TTBK2: variants seen among roughly 807,000 people sequenced by gnomAD.
The protein encoded by TTBK2 is tau-tubulin kinase 2.
TTBK2 carries 28 observed loss-of-function variants against 110.8 expected under a neutral mutation model. That is an observed-to-expected ratio of 0.25 (90% CI 0.19 to 0.35). TTBK2 has a LOEUF of 0.35. TTBK2 is among the 10% of genes least tolerant of loss of function. The pLI is 1.00. For synonymous variants in TTBK2, 532 were observed against 527.3 expected, an observed-to-expected ratio of 1.01 and a Z score of -0.12; for missense variants, 1,369 against 1,500.3, an observed-to-expected ratio of 0.91 and a Z score of 1.45.
At position 42,739,941 on chromosome 15, in the gene TTBK2, A is replaced by C. The variant is rs1427971988; in HGVS notation, c.*5854T>G. 6.6e-6 allele frequency: 1 copy of C among 152,188 alleles called. No homozygotes were observed. The highest frequency in any genetic ancestry group is 1.5e-5 in the Non-Finnish European group (1 of 68,026). 9.4% of individuals were successfully genotyped at this position (152,188 alleles called of 1,614,324 possible). On this transcript the variant is annotated 3_prime_UTR_variant, in exon 15 of 15. Coordinates refer to ENST00000267890, the MANE Select transcript of TTBK2 (RefSeq NM_173500.4). Reference sequence around the variant, plus strand: ...TCATATGGCAAGGGTAGTCTATATAAAAACTTGGTTTACTCAATGTTTTTA... The same window carrying C: ...TCATATGGCAAGGGTAGTCTATATACAAACTTGGTTTACTCAATGTTTTTA...
chr15:42,832,950 A>C (rs1463352050), intron 4 of TTBK2, among the ~76,000 whole-genome samples: 1 of 152,188 alleles, frequency 6.6e-6, no homozygotes, highest in Non-Finnish European at 1.5e-5. Flanking sequence ...AAATAATAGT[A>C]CAGTCATCTT....
intron 1 of TTBK2, among the ~76,000 whole-genome samples, chr15:42,906,439 T>G (rs1228017474): frequency 6.6e-6 from 1 of 152,220 alleles, no homozygotes; most frequent in Non-Finnish European, 1.5e-5. Flanking sequence ...ACAAATTAAA[T>G]TATACCATTT....
At chr15:42,784,423 G>A (rs1323819240) in intron 10 of TTBK2, among the ~76,000 whole-genome samples, 3 of 151,792 alleles carry the variant, frequency 2.0e-5, no homozygotes, top group Non-Finnish European at 4.4e-5. Flanking sequence ...GATTACAGGC[G>A]CCCACCACCA....
intron 9 of TTBK2, chr15:42,801,645 C>T (rs1325842617): frequency 2.3e-6 from 2 of 861,758 alleles, no homozygotes; most frequent in Non-Finnish European, 4.0e-6. Context: ...ATGATGCTGT[C>T]CATGTCCAGG....
chr15:42,777,076 A>G lies in TTBK2; in HGVS notation c.1364T>C (p.Leu455Pro). ...SIHSFELEKR[L>P]TLEPKPDTDK... The stretch of plus-strand genomic sequence containing the variant: ...AGTGTCTGGCTTTGGCTCCAGGGTC[A>G]GACGTTTTTCCAGCTCAAAGCTGTG... The change falls in exon 12 of 15, where the codon CTG (leucine) becomes CCG (proline). Residue 455 changes from leucine (L) to proline (P), a missense_variant. Coordinates refer to ENST00000267890, the MANE Select transcript of TTBK2 (RefSeq NM_173500.4). 2 of 1,614,202 alleles carry G rather than the reference A, an allele frequency of 1.2e-6. No individual in the cohort carries two copies. Among genetic ancestry groups the G allele is most frequent in the Non-Finnish European group, 1.7e-6 (2 of 1,180,030 alleles).
chr15:42,762,231 A>G (rs996286568), intron 13 of TTBK2, among the ~76,000 whole-genome samples: 1 of 152,226 alleles, frequency 6.6e-6, no homozygotes, highest in African/African-American at 2.4e-5. Flanking sequence ...TACAGTTACT[A>G]CTATGGAGAA....
At chr15:42,841,412 T>C (rs865901087) in intron 3 of TTBK2, among the ~76,000 whole-genome samples, 4 of 152,074 alleles carry the variant, frequency 2.6e-5, no homozygotes, top group South Asian at 2.1e-4. Context: ...GGTTTTACCA[T>C]ATTGCCCAGG....
chr15:42,777,120 C>T lies in TTBK2; in HGVS notation c.1320G>A (p.Val440=), dbSNP rs1380336979. The T allele has an allele frequency of 6.2e-7, 1 of 1,614,192 alleles. No homozygotes were observed. Among genetic ancestry groups the T allele is most frequent in the South Asian group, 1.1e-5 (1 of 91,088 alleles). Residue 440 remains valine, a synonymous_variant, in exon 12 of 15, where the codon GTG becomes GTA. Coordinates refer to ENST00000267890, the MANE Select transcript of TTBK2 (RefSeq NM_173500.4). ...AGCTGTGAATGGAACGTAACTTTCG[C>T]ACCAGTGGAATATCTCTGTCTGGCT... ...ITQPDRDIPL[V]RKLRSIHSFE...
intron 7 of TTBK2, among the ~76,000 whole-genome samples, chr15:42,816,780 G>T (rs1039246371): frequency 1.6e-4 from 25 of 151,798 alleles, no homozygotes; most frequent in African/African-American, 5.8e-4. Context: ...TTAGCTGGGC[G>T]TGGTGGCGGG....
chr15:42,784,344 C>T (rs1457462344), intron 10 of TTBK2, among the ~76,000 whole-genome samples: 4 of 152,074 alleles, frequency 2.6e-5, no homozygotes, highest in African/African-American at 9.7e-5. Flanking sequence ...GTGACGCGAT[C>T]TCGGCTCACT....
chr15:42,886,256 T>C (rs1895242825), intron 1 of TTBK2, among the ~76,000 whole-genome samples: 1 of 152,128 alleles, frequency 6.6e-6, no homozygotes. Flanking sequence ...TCCCACCCTA[T>C]AACCCTTCTA....
At chr15:42,845,940 C>T (rs1173025167) in intron 3 of TTBK2, among the ~76,000 whole-genome samples, 1 of 151,996 alleles carries the variant, frequency 6.6e-6, no homozygotes, top group Non-Finnish European at 1.5e-5. Flanking sequence ...TATTTATGTA[C>T]CTAAACGTGC....
chr15:42,836,209 T>C (rs74009222), intron 4 of TTBK2, among the ~76,000 whole-genome samples: 2,293 of 152,298 alleles, frequency 0.015, 54 homozygotes, highest in African/African-American at 0.053. Context: ...AAAAACATTT[T>C]AATGGCAAAT....
intron 1 of TTBK2, among the ~76,000 whole-genome samples, chr15:42,891,608 T>C (rs1360181914): frequency 3.3e-5 from 5 of 151,966 alleles, no homozygotes; most frequent in Non-Finnish European, 5.9e-5. Context: ...AAGAGGGTGG[T>C]GTACCCTGGC....
At chr15:42,871,487 G>A in intron 3 of TTBK2, 1 of 985,326 alleles carries the variant, frequency 1.0e-6, no homozygotes, top group Non-Finnish European at 1.2e-6. Flanking sequence ...AAGGTGAAGT[G>A]GCACTATCCA....
chr15:42,874,719 G>C (rs1242868551), intron 2 of TTBK2, among the ~76,000 whole-genome samples: 1 of 151,670 alleles, frequency 6.6e-6, no homozygotes, highest in Non-Finnish European at 1.5e-5. Flanking sequence ...CGGGCGCGGT[G>C]GCTCACACCT....
At chr15:42,845,793 G>A (rs1567056929) in intron 3 of TTBK2, among the ~76,000 whole-genome samples, 1 of 152,088 alleles carries the variant, frequency 6.6e-6, no homozygotes, top group African/African-American at 2.4e-5. Context: ...ATCATAGGGT[G>A]TGCTTACAAA....
chr15:42,777,182 G>A lies in TTBK2; in HGVS notation c.1258C>T (p.Leu420Phe), dbSNP rs1889964972. The change falls in exon 12 of 15, where the codon CTT becomes TTT. Residue 420 changes from leucine (L) to phenylalanine (F), a missense_variant. Coordinates refer to ENST00000267890, the MANE Select transcript of TTBK2 (RefSeq NM_173500.4). The part of the protein sequence containing the change: ...QANGLLNAPS[L>F]GSPIRVRSEI... ...GAGCGGACACGAATTGGTGACCCAA[G>A]GCTTGGAGCATTGAGAAGACCATTT... 6.8e-6 allele frequency: 11 copies of A among 1,614,158 alleles called. No individual in the cohort carries two copies. The highest frequency in any genetic ancestry group is 9.3e-6 in the Non-Finnish European group (11 of 1,180,030).
intron 1 of TTBK2, among the ~76,000 whole-genome samples, chr15:42,902,116 T>C (rs916436748): frequency 6.6e-6 from 1 of 151,062 alleles, no homozygotes; most frequent in African/African-American, 2.4e-5. Context: ...CTAGGGAGGC[T>C]GAGGCAGGAG....
Sources: allele counts gnomAD v4.1 joint callset (sites outside exome capture counted in the v4.1 genomes callset), GRCh38; gene constraint gnomAD v4.1.1; transcripts MANE v1.5; gene names NCBI Gene and HGNC (gene_info 2026-07-23, HGNC 2026-07-21).